TRPC5: variants seen among roughly 807,000 people sequenced by gnomAD.
TRPC5 encodes transient receptor potential cation channel subfamily C member 5, also known as short transient receptor potential channel 5.
Under a neutral mutation model 56.5 loss-of-function variants are expected in TRPC5, and 9 were observed. The observed-to-expected ratio is 0.16, with a 90% confidence interval of 0.10 to 0.28. The LOEUF is 0.28. Among genes scored for constraint, TRPC5 ranks in the 10% least tolerant of loss-of-function variants. The pLI is 1.00. For missense variants in TRPC5, 469 were observed against 748.9 expected (o/e 0.63, Z 4.36); for synonymous variants, 282 against 278.5 (o/e 1.01, Z -0.13).
chrX:111,916,810 A>C (rs1925990197), intron 2 of TRPC5, among the ~76,000 whole-genome samples: 1 of 112,746 alleles, frequency 8.9e-6, no homozygotes, highest in Admixed American at 9.4e-5. Flanking sequence ...AAAAATTTTA[A>C]AGACAGTGTG....
chrX:111,952,771 C>T (rs187755134), intron 1 of TRPC5, among the ~76,000 whole-genome samples: 154 of 111,428 alleles, frequency 1.4e-3, no homozygotes, highest in Non-Finnish European at 2.5e-3. Flanking sequence ...TTAGTGACTG[C>T]TTACTGTGTG....
intron 6 of TRPC5, among the ~76,000 whole-genome samples, chrX:111,844,460 C>CTTTCT (rs1922862644): frequency 2.1e-5 from 2 of 95,378 alleles, no homozygotes; most frequent in South Asian, 4.7e-4. Context: ...TTCTTTCTTT[C>CTTTCT]TTTTTTTTTT....
chrX:112,027,597 C>T (rs765593477), intron 1 of TRPC5, among the ~76,000 whole-genome samples: 72 of 111,112 alleles, frequency 6.5e-4, no homozygotes, highest in African/African-American at 2.3e-3. Context: ...CCCGGGTTCA[C>T]GCCATTCTCC....
At chrX:111,784,927 G>C (rs760335635) in intron 7 of TRPC5, among the ~76,000 whole-genome samples, 6 of 112,388 alleles carry the variant, frequency 5.3e-5, no homozygotes, top group Middle Eastern at 4.2e-3. Context: ...GCTCGAACTG[G>C]GGGGAGCCCA....
At chrX:111,787,704 G>A (rs1277154259) in intron 7 of TRPC5, among the ~76,000 whole-genome samples, 4 of 110,845 alleles carry the variant, frequency 3.6e-5, no homozygotes, top group Non-Finnish European at 7.6e-5. Flanking sequence ...GAATCAAATC[G>A]ATGCAATAAA....
intron 6 of TRPC5, among the ~76,000 whole-genome samples, chrX:111,835,834 A>G (rs752859724): frequency 1.4e-4 from 16 of 111,957 alleles, no homozygotes; most frequent in Non-Finnish European, 1.7e-4. Context: ...TCTAAACTGC[A>G]TGGAGGAGCT....
At chrX:111,966,143 G>T (rs1392612824) in intron 1 of TRPC5, among the ~76,000 whole-genome samples, 4 of 110,555 alleles carry the variant, frequency 3.6e-5, no homozygotes, top group Non-Finnish European at 7.6e-5. Flanking sequence ...ATGATAAAGG[G>T]GATATCACCA....
intron 3 of TRPC5, among the ~76,000 whole-genome samples, chrX:111,894,879 T>C (rs757247286): frequency 8.1e-5 from 9 of 111,581 alleles, no homozygotes; most frequent in African/African-American, 2.6e-4. Flanking sequence ...CCCTTCCCAG[T>C]CAATAACCCC....
intron 7 of TRPC5, among the ~76,000 whole-genome samples, chrX:111,831,425 C>T (rs2148575897): frequency 8.9e-6 from 1 of 111,907 alleles, no homozygotes; most frequent in African/African-American, 3.2e-5. Flanking sequence ...GGTGGGGAGA[C>T]CACCTGCCCT....
chrX:111,772,354 C>T lies in TRPC5; in HGVS notation c.*3959G>A, dbSNP rs1216217632. Among the ~76,000 whole-genome samples the T allele has an allele frequency of 8.9e-6, 1 of 112,243 alleles. No homozygotes were observed. The highest frequency in any genetic ancestry group is 3.2e-5 in the African/African-American group (1 of 30,911). On this transcript the variant is annotated 3_prime_UTR_variant, in exon 11 of 11. Transcript: ENST00000262839. ...ATTTAAATGATCTGAACACTTGGAT[C>T]AATTTGCATTGACTATGTCTATATG... is the stretch of plus-strand genomic sequence containing the variant.
intron 6 of TRPC5, among the ~76,000 whole-genome samples, chrX:111,839,378 G>A (rs895082139): frequency 1.8e-5 from 2 of 111,822 alleles, no homozygotes; most frequent in Non-Finnish European, 3.8e-5. Flanking sequence ...AGAGGAGAGT[G>A]CCTAAGCGAG....
intron 7 of TRPC5, among the ~76,000 whole-genome samples, chrX:111,783,234 T>C (rs2148550337): frequency 8.9e-6 from 1 of 112,341 alleles, no homozygotes; most frequent in South Asian, 3.7e-4. Flanking sequence ...TTCCAGTTTT[T>C]AGCAATTATG....
At chrX:111,946,182 A>C (rs1301780076) in intron 2 of TRPC5, among the ~76,000 whole-genome samples, 1 of 111,939 alleles carries the variant, frequency 8.9e-6, no homozygotes, top group African/African-American at 3.2e-5. Flanking sequence ...GGAGCTGATA[A>C]CTTTGTGGGT....
chrX:111,893,065 A>C lies in TRPC5; in HGVS notation c.900+19226T>G, dbSNP rs538892060. Among the ~76,000 whole-genome samples, 54 of 107,838 alleles carry C rather than the reference A, an allele frequency of 5.0e-4. No individual in the cohort carries two copies. The South Asian group carries it at 0.02, about 41-fold the overall frequency. 93.6% of individuals were successfully genotyped at this position (107,838 alleles called of 115,157 possible). On this transcript the variant is annotated intron_variant, in intron 3 of 10. Transcript: ENST00000262839. ...TCTAGTTAGTAAGTGGTGAAGTTGA[A>C]ATTCAAATATAGGGTTTTTTTTTTT...
rs865809954 is a variant in TRPC5, at chrX:112,035,958, C to T, written c.-22+45921G>A. ...TTATGTTATATGTTATACACACACACATATATATATATGTATATATATAAG... is the reference window on the plus strand; with the variant it reads ...TTATGTTATATGTTATACACACACATATATATATATATGTATATATATAAG... On this transcript the variant is annotated intron_variant, in intron 1 of 10. Transcript: ENST00000262839. Among the ~76,000 whole-genome samples, 14 of 108,622 alleles carry T rather than the reference C, an allele frequency of 1.3e-4. 1 individual carries two copies. Among genetic ancestry groups the T allele is most frequent in the African/African-American group, 3.7e-4 (11 of 29,750 alleles). The allele number at this position is 108,622 out of a possible 115,157, so 94.3% of individuals were successfully genotyped here. A position where few individuals can be genotyped will look rare whatever the true frequency, so the allele number is the denominator to read the frequency against.
intron 1 of TRPC5, among the ~76,000 whole-genome samples, chrX:112,080,529 A>G (rs1930940254): frequency 9.0e-6 from 1 of 110,999 alleles, no homozygotes; most frequent in East Asian, 2.8e-4. Flanking sequence ...GTGACATTCA[A>G]TTCTTCCTTC....
chrX:111,893,619 T>C (rs1924915526), intron 3 of TRPC5, among the ~76,000 whole-genome samples: 1 of 112,277 alleles, frequency 8.9e-6, no homozygotes, highest in Non-Finnish European at 1.9e-5. Context: ...TTGGTTTAAA[T>C]TGACCATAAG....
At chrX:111,845,614 C>T (rs1261702507) in intron 6 of TRPC5, among the ~76,000 whole-genome samples, 1 of 112,150 alleles carries the variant, frequency 8.9e-6, no homozygotes, top group Non-Finnish European at 1.9e-5. Context: ...ATTCATGTAT[C>T]TAATTCTGTT....
At chrX:111,800,681 G>A (rs969546021) in intron 7 of TRPC5, among the ~76,000 whole-genome samples, 3 of 110,134 alleles carry the variant, frequency 2.7e-5, no homozygotes, top group African/African-American at 6.6e-5. Flanking sequence ...TTGTACACGG[G>A]AGGTGGAGGT....
Sources: allele counts gnomAD v4.1 joint callset (sites outside exome capture counted in the v4.1 genomes callset), GRCh38; gene constraint gnomAD v4.1.1; transcripts MANE v1.5; gene names NCBI Gene and HGNC (gene_info 2026-07-23, HGNC 2026-07-21).